Variants in SCN7A observed in about 807,000 individuals in gnomAD.
The protein encoded by SCN7A is sodium channel protein type 7 subunit alpha.
Under a neutral mutation model 155.2 loss-of-function variants are expected in SCN7A, and 138 were observed. The observed-to-expected ratio is 0.89, with a 90% CI of 0.77 to 1.02. The LOEUF (loss-of-function observed/expected upper bound fraction) is 1.02. Ranked by LOEUF, SCN7A falls within the 50% of genes least tolerant of loss-of-function variation. SCN7A has a pLI of 0.00. For synonymous variants in SCN7A, 693 were observed against 649.0 expected (o/e 1.07, Z -1.03); for missense variants, 2,058 against 1,986.6 (o/e 1.04, Z -0.68).
chr2:166,474,421 C>A, intron 3 of SCN7A, 77 bp from the exon 4 acceptor site: 1 of 507,690 alleles, frequency 2.0e-6, no homozygotes, highest in Non-Finnish European at 3.4e-6. Flanking sequence ...AACTGCCAAT[C>A]AATCATCATT....
intron 23 of SCN7A, 65 bp from the exon 24 acceptor site, chr2:166,410,389 G>A: frequency 9.0e-7 from 1 of 1,109,770 alleles, no homozygotes; most frequent in Non-Finnish European, 1.3e-6. Context: ...TATGTTAATA[G>A]GCATTTTAAA....
chr2:166,473,415 A>G (rs1418396177), intron 5 of SCN7A, among the ~76,000 whole-genome samples: 2 of 151,692 alleles, frequency 1.3e-5, no homozygotes, highest in Non-Finnish European at 2.9e-5. Context: ...AGTTTTAATA[A>G]TAAAAACTCA....
chr2:166,426,673 A>G (rs1269447861), intron 18 of SCN7A, among the ~76,000 whole-genome samples: 2 of 152,074 alleles, frequency 1.3e-5, no homozygotes, highest in African/African-American at 4.8e-5. Flanking sequence ...AAACTAATCT[A>G]TGGCAGTTGA....
At chr2:166,420,432 A>G (rs1448429575) in intron 20 of SCN7A, among the ~76,000 whole-genome samples, 1 of 152,080 alleles carries the variant, frequency 6.6e-6, no homozygotes, top group Non-Finnish European at 1.5e-5. Flanking sequence ...ATAAAATAAA[A>G]GGTACATTTG....
intron 16 of SCN7A, among the ~76,000 whole-genome samples, chr2:166,430,372 A>G (rs1701709068): frequency 6.6e-6 from 1 of 151,982 alleles, no homozygotes; most frequent in African/African-American, 2.4e-5. Context: ...TTTTATTTCC[A>G]TTACTTTTAT....
At chr2:166,423,017 G>A (rs1701542943) in intron 19 of SCN7A, among the ~76,000 whole-genome samples, 1 of 152,076 alleles carries the variant, frequency 6.6e-6, no homozygotes, top group South Asian at 2.1e-4. Context: ...AACTTACATG[G>A]TTAACAGTAA....
At chr2:166,452,357 A>G (rs1184219996) in intron 11 of SCN7A, among the ~76,000 whole-genome samples, 1 of 149,934 alleles carries the variant, frequency 6.7e-6, no homozygotes, top group Non-Finnish European at 1.5e-5. Context: ...AATATACTGT[A>G]TCTGGTATTT....
At chr2:166,411,403 G>A (rs983211471) in intron 23 of SCN7A, among the ~76,000 whole-genome samples, 1 of 151,802 alleles carries the variant, frequency 6.6e-6, no homozygotes, top group Non-Finnish European at 1.5e-5. Flanking sequence ...TTGTGTTCAA[G>A]TAATCCTTAT....
At chr2:166,481,496 G>A (rs1355054890) in intron 2 of SCN7A, among the ~76,000 whole-genome samples, 1 of 152,196 alleles carries the variant, frequency 6.6e-6, no homozygotes, top group Non-Finnish European at 1.5e-5. Flanking sequence ...CAGTAGAGAA[G>A]AGATGTGTTT....
chr2:166,465,910 G>C lies in SCN7A; in HGVS notation c.742C>G (p.Leu248Val). Residue 248 changes from leucine to valine, a missense_variant, in exon 8 of 26, where the codon CTG becomes GTG. By Grantham distance (32) the Leu-to-Val change is conservative. Coordinates refer to ENST00000643258, the MANE Select transcript of SCN7A (RefSeq NM_002976.4). ...ATCCCAATTAGAGAAAATATGCTCAGAAAAAACAGAGTTAGGATAATGACA... is the reference window on the plus strand; with the variant it reads ...ATCCCAATTAGAGAAAATATGCTCACAAAAAACAGAGTTAGGATAATGACA... ...IGVIILTLFF[L>V]SIFSLIGMGL... The C allele has an allele frequency of 6.2e-7, 1 of 1,613,758 alleles. No individual in the cohort carries two copies. Among genetic ancestry groups the C allele is most frequent in the Admixed American group, 1.7e-5 (1 of 59,970 alleles).
intron 7 of SCN7A, among the ~76,000 whole-genome samples, chr2:166,467,526 G>A (rs1450821882): frequency 6.7e-6 from 1 of 149,458 alleles, no homozygotes; most frequent in African/African-American, 2.5e-5. Context: ...CAGATAGATA[G>A]ATAGATAATT....
At chr2:166,413,226 C>G in intron 21 of SCN7A, 105 bp from the exon 22 acceptor site, 1 of 549,020 alleles carries the variant, frequency 1.8e-6, no homozygotes, top group South Asian at 3.1e-5. Context: ...GCTTGCCACA[C>G]TTCCATATAC....
chr2:166,434,544 T>C (rs1362778347), intron 15 of SCN7A, among the ~76,000 whole-genome samples: 2 of 152,182 alleles, frequency 1.3e-5, no homozygotes, highest in African/African-American at 4.8e-5. Context: ...GTCTAATCTA[T>C]GTAACCTTTG....
At chr2:166,436,831 C>T (rs899494021) in intron 15 of SCN7A, among the ~76,000 whole-genome samples, 2 of 152,178 alleles carry the variant, frequency 1.3e-5, no homozygotes, top group African/African-American at 4.8e-5. Context: ...AGACTGGTGG[C>T]TTTCTGCCCT....
At position 166,406,342 on chromosome 2, in the gene SCN7A, T is replaced by C. The variant is rs1701073459; in HGVS notation, c.4287A>G (p.Gln1429=). Residue 1429 remains glutamine (Q), a synonymous_variant, in exon 26 of 26, where the codon CAA becomes CAG. Coordinates refer to ENST00000643258, the MANE Select transcript of SCN7A (RefSeq NM_002976.4). Reference sequence around the variant, plus strand: ...CATCCCAACCAGCAAATATTGCAACTTGAAAAAGACAGAGCATACTGTTGC... The same window carrying C: ...CATCCCAACCAGCAAATATTGCAACCTGAAAAAGACAGAGCATACTGTTGC... ...TFGNSMLCLF[Q]VAIFAGWDGM... The C allele has an allele frequency of 6.2e-7, 1 of 1,613,060 alleles. No individual in the cohort carries two copies. Among genetic ancestry groups the C allele is most frequent in the African/African-American group, 1.3e-5 (1 of 74,824 alleles).
At chr2:166,466,103 TGTAATTCTAATTATTTGG>T in intron 7 of SCN7A, 116 bp from the exon 8 acceptor site, 1 of 693,132 alleles carries the variant, frequency 1.4e-6, no homozygotes. Flanking sequence ...TATCTTATAA[TGTAATTCTAATTATTTGG>T]GCCTCATAAA....
intron 12 of SCN7A, among the ~76,000 whole-genome samples, chr2:166,445,883 T>C (rs1471682824): frequency 6.6e-6 from 1 of 152,136 alleles, no homozygotes; most frequent in African/African-American, 2.4e-5. Context: ...TAACTCAAGA[T>C]GGATTAAAGA....
Position 166,427,953 on chromosome 2 carries a change from T to G in SCN7A, c.2699-11A>C. 1 of 1,612,016 alleles carries G rather than the reference T, an allele frequency of 6.2e-7. No individual in the cohort carries two copies. The highest frequency in any genetic ancestry group is 8.5e-7 in the Non-Finnish European group (1 of 1,178,800). Reference sequence around the variant, plus strand: ...ATCCGCGTCTGCAACCTGTCAAGATTGAATTGGTAAGAACAACAATCTAGA... The same window carrying G: ...ATCCGCGTCTGCAACCTGTCAAGATGGAATTGGTAAGAACAACAATCTAGA... On this transcript the variant is annotated splice_polypyrimidine_tract_variant and intron_variant, in intron 17 of 25. Coordinates refer to ENST00000643258, the MANE Select transcript of SCN7A (RefSeq NM_002976.4).
chr2:166,445,988 C>T (rs1054558737), intron 12 of SCN7A, among the ~76,000 whole-genome samples: 1 of 152,106 alleles, frequency 6.6e-6, no homozygotes, highest in African/African-American at 2.4e-5. Context: ...ATGACTAAAA[C>T]ACCAAAAGCA....
Sources: allele counts gnomAD v4.1 joint callset (sites outside exome capture counted in the v4.1 genomes callset), GRCh38; gene constraint gnomAD v4.1.1; transcripts MANE v1.5; gene names NCBI Gene and HGNC (gene_info 2026-07-23, HGNC 2026-07-21).